The following TFEC variants were observed in gnomAD, a reference collection of about 807,000 sequenced individuals.
The protein encoded by TFEC is class E basic helix-loop-helix protein 34.
Under a neutral mutation model 41.6 loss-of-function variants are expected in TFEC, and 31 were observed. The ratio of observed to expected loss-of-function variants is 0.74; its 90% confidence interval spans 0.56 to 1.01. TFEC has a LOEUF of 1.01. Ranked by LOEUF, TFEC falls within the 50% of genes least tolerant of loss-of-function variation. The pLI, the probability that TFEC is intolerant of heterozygous loss-of-function variation, is 0.00. For synonymous variants in TFEC, 143 were observed against 140.6 expected, an observed-to-expected ratio of 1.02 and a Z score of -0.12; for missense variants, 402 against 404.1, an observed-to-expected ratio of 0.99 and a Z score of 0.04.
intron 1 of TFEC, among the ~76,000 whole-genome samples, chr7:115,994,993 T>C (rs1001703206): frequency 2.0e-5 from 3 of 152,078 alleles, no homozygotes; most frequent in Non-Finnish European, 2.9e-5. Context: ...GTGGCACATA[T>C]CCACCATGGA....
intron 1 of TFEC, among the ~76,000 whole-genome samples, chr7:116,015,873 A>G (rs1035867494): frequency 4.6e-5 from 7 of 152,154 alleles, no homozygotes; most frequent in African/African-American, 1.7e-4. Flanking sequence ...TGGAACATGT[A>G]AGGGGAAGGT....
chr7:116,086,530 C>A (rs1399257324), intron 3 of TFEC, among the ~76,000 whole-genome samples: 2 of 151,764 alleles, frequency 1.3e-5, no homozygotes, highest in Non-Finnish European at 2.9e-5. Context: ...GATGGATATG[C>A]TAAATTTATT....
intron 1 of TFEC, among the ~76,000 whole-genome samples, chr7:116,017,503 G>A (rs1342715170): frequency 6.6e-6 from 1 of 152,096 alleles, no homozygotes; most frequent in Non-Finnish European, 1.5e-5. Context: ...TTACAGGCAT[G>A]AGCCACCACA....
intron 3 of TFEC, among the ~76,000 whole-genome samples, chr7:116,108,213 A>G (rs1427399259): frequency 6.6e-6 from 1 of 152,188 alleles, no homozygotes; most frequent in Non-Finnish European, 1.5e-5. Flanking sequence ...ACAATAAATA[A>G]GCATTGTTAT....
chr7:116,108,214 G>A (rs1226914647), intron 3 of TFEC, among the ~76,000 whole-genome samples: 1 of 152,014 alleles, frequency 6.6e-6, no homozygotes, highest in African/African-American at 2.4e-5. Context: ...CAATAAATAA[G>A]CATTGTTATT....
intron 2 of TFEC, among the ~76,000 whole-genome samples, chr7:115,979,048 G>A (rs1378852353): frequency 6.6e-6 from 1 of 152,104 alleles, no homozygotes; most frequent in African/African-American, 2.4e-5. Context: ...TCCACGTGAT[G>A]ATCTCACTGA....
intron 1 of TFEC, among the ~76,000 whole-genome samples, chr7:116,009,793 G>A (rs150078398): frequency 1.2e-3 from 188 of 152,304 alleles, no homozygotes; most frequent in Non-Finnish European, 1.3e-3. Context: ...GGTAGGCACA[G>A]TCAAACATGG....
intron 3 of TFEC, among the ~76,000 whole-genome samples, chr7:115,972,686 T>C (rs9649387): frequency 0.14 from 20,818 of 152,150 alleles, 1,917 homozygotes; most frequent in Non-Finnish European, 0.21. Flanking sequence ...TATTTCTTTA[T>C]GTAAATACAC....
intron 1 of TFEC, among the ~76,000 whole-genome samples, chr7:116,116,811 A>T (rs1336891792): frequency 6.6e-6 from 1 of 150,640 alleles, no homozygotes; most frequent in Non-Finnish European, 1.5e-5. Context: ...AATCTGCAAT[A>T]AGCTTTATTT....
At chr7:115,965,917 A>C (rs1346915054) in intron 3 of TFEC, among the ~76,000 whole-genome samples, 2 of 151,264 alleles carry the variant, frequency 1.3e-5, no homozygotes, top group South Asian at 2.1e-4. Context: ...TTTTTTTAAG[A>C]GCTATTTCTC....
chr7:116,029,103 G>A (rs1795693696), intron 1 of TFEC, among the ~76,000 whole-genome samples: 1 of 151,850 alleles, frequency 6.6e-6, no homozygotes, highest in Admixed American at 6.6e-5. Context: ...TTTGACATGA[G>A]CTCCAAGTTT....
At chr7:116,089,953 G>T (rs937245044) in intron 3 of TFEC, among the ~76,000 whole-genome samples, 1 of 152,106 alleles carries the variant, frequency 6.6e-6, no homozygotes, top group African/African-American at 2.4e-5. Context: ...CATAAATTCT[G>T]TCTTCTGGGA....
At chr7:116,088,314 T>C (rs1241402879) in intron 3 of TFEC, among the ~76,000 whole-genome samples, 1 of 152,134 alleles carries the variant, frequency 6.6e-6, no homozygotes, top group Non-Finnish European at 1.5e-5. Flanking sequence ...CTTTTCATTG[T>C]CTTTCCAATT....
At chr7:115,941,488 AT>A in intron 7 of TFEC, 1 of 184,294 alleles carries the variant, frequency 5.4e-6, no homozygotes, top group Non-Finnish European at 1.1e-5. Flanking sequence ...GGAGAATTTA[AT>A]GTCCAATATA....
intron 1 of TFEC, among the ~76,000 whole-genome samples, chr7:116,114,196 A>C (rs1386060616): frequency 6.6e-6 from 1 of 152,072 alleles, no homozygotes; most frequent in Non-Finnish European, 1.5e-5. Flanking sequence ...ATAGTATGAT[A>C]AGCTAGAATG....
At chr7:116,069,399 GT>G (rs1422259379) in intron 3 of TFEC, among the ~76,000 whole-genome samples, 1 of 151,586 alleles carries the variant, frequency 6.6e-6, no homozygotes, top group African/African-American at 2.4e-5. Context: ...AAGAGTTTGA[GT>G]AATCCTATGG....
chr7:116,122,902 T>C (rs894074822), intron 1 of TFEC, among the ~76,000 whole-genome samples: 4 of 152,064 alleles, frequency 2.6e-5, no homozygotes, highest in Non-Finnish European at 4.4e-5. Flanking sequence ...ATAGATGCCC[T>C]TTCCCGCTTC....
rs1796485462 is a variant in TFEC at position 116,058,752 on chromosome 7, A to G, written c.198+51956T>C. On this transcript the variant is annotated intron_variant, in intron 3 of 8. Coordinates refer to the TFEC transcript ENST00000484212. ...AGAAGTATTCCTGGGAAATCGCCAA[A>G]TATTTAGAGCAAAATAATATAATAT... is the stretch of plus-strand genomic sequence containing the variant. Among the ~76,000 whole-genome samples the G allele has an allele frequency of 2.0e-5, 3 of 151,850 alleles. No individual in the cohort carries two copies. The South Asian group carries it at 6.2e-4, about 31-fold the overall frequency.
chr7:116,089,107 C>A (rs6961913), intron 3 of TFEC, among the ~76,000 whole-genome samples: 15,481 of 152,110 alleles, frequency 0.1, 866 homozygotes, highest in African/African-American at 0.14. Context: ...TTGTTTAAAT[C>A]TATAGCAACT....
Sources: allele counts gnomAD v4.1 joint callset (sites outside exome capture counted in the v4.1 genomes callset), GRCh38; gene constraint gnomAD v4.1.1; transcripts MANE v1.5; gene names NCBI Gene and HGNC (gene_info 2026-07-23, HGNC 2026-07-21).